Variants in KCNAB1 observed in about 807,000 individuals in gnomAD.
The protein encoded by KCNAB1 is potassium voltage-gated channel subfamily A regulatory beta subunit 1, also known as voltage-gated potassium channel subunit beta-1.
A neutral mutation model predicts 64.6 loss-of-function variants in KCNAB1; 35 were observed. That is an observed-to-expected ratio of 0.54 (90% CI 0.41 to 0.72). KCNAB1 has a LOEUF of 0.72. Ranked by LOEUF, KCNAB1 falls within the 30% of genes least tolerant of loss-of-function variation. KCNAB1 has a pLI of 0.00. For missense variants in KCNAB1, 401 were observed against 512.9 expected (o/e 0.78, Z 2.11); for synonymous variants, 177 against 183.8 (o/e 0.96, Z 0.30).
chr3:156,209,044 G>A (rs527432886), intron 1 of KCNAB1, among the ~76,000 whole-genome samples: 5 of 152,296 alleles, frequency 3.3e-5, no homozygotes, highest in East Asian at 1.9e-4. Context: ...TAAAAGAGGC[G>A]TAAGATACTA....
chr3:156,122,457 A>G (rs1477998732), intron 1 of KCNAB1, among the ~76,000 whole-genome samples: 1 of 152,266 alleles, frequency 6.6e-6, no homozygotes, highest in African/African-American at 2.4e-5. Flanking sequence ...TGAACAAGTC[A>G]GAGTGGCATA....
chr3:156,454,139 C>T (rs1248187623), intron 3 of KCNAB1, among the ~76,000 whole-genome samples: 1 of 152,220 alleles, frequency 6.6e-6, no homozygotes, highest in Non-Finnish European at 1.5e-5. Context: ...CCTTATAAGG[C>T]TTGTCTCATG....
At chr3:156,445,926 G>A (rs967095180) in intron 2 of KCNAB1, 1 of 152,160 alleles carries the variant, frequency 6.6e-6, no homozygotes, top group African/African-American at 2.4e-5. Flanking sequence ...CTAATTTTGT[G>A]CATAAGGAAA....
intron 1 of KCNAB1, among the ~76,000 whole-genome samples, chr3:156,198,913 A>AT (rs71138701): frequency 0.026 from 552 of 21,284 alleles, 102 homozygotes; most frequent in Middle Eastern, 0.045. Context: ...TTATATTTTG[A>AT]TTTTTTTTTT....
chr3:156,336,108 C>T (rs1193316166), intron 1 of KCNAB1, among the ~76,000 whole-genome samples: 2 of 152,090 alleles, frequency 1.3e-5, no homozygotes. Flanking sequence ...ACCTGTAATC[C>T]TAGCTCTTTG....
At chr3:156,406,353 G>A (rs1277252073) in intron 1 of KCNAB1, among the ~76,000 whole-genome samples, 1 of 152,084 alleles carries the variant, frequency 6.6e-6, no homozygotes, top group Non-Finnish European at 1.5e-5. Context: ...ACTAGGGACT[G>A]GAATCTATCC....
chr3:156,478,823 A>G (rs1035364646), intron 8 of KCNAB1, among the ~76,000 whole-genome samples: 1 of 152,166 alleles, frequency 6.6e-6, no homozygotes, highest in African/African-American at 2.4e-5. Context: ...GGCATCATAT[A>G]TCTAATTAGT....
chr3:156,241,206 T>C (rs1057451566), intron 1 of KCNAB1, among the ~76,000 whole-genome samples: 1 of 152,236 alleles, frequency 6.6e-6, no homozygotes, highest in Admixed American at 6.5e-5. Context: ...ATCATGATTA[T>C]GTTTTCCTTC....
intron 2 of KCNAB1, among the ~76,000 whole-genome samples, chr3:156,422,716 A>G (rs1163330926): frequency 6.6e-6 from 1 of 152,218 alleles, no homozygotes; most frequent in Non-Finnish European, 1.5e-5. Context: ...AGTCATCAGC[A>G]AGTAGATGCT....
chr3:156,170,527 T>C (rs1337983576), intron 1 of KCNAB1, among the ~76,000 whole-genome samples: 1 of 152,204 alleles, frequency 6.6e-6, no homozygotes, highest in Non-Finnish European at 1.5e-5. Flanking sequence ...GTGTGATAGA[T>C]ACTACCCATC....
chr3:156,128,357 G>C (rs1345001054), intron 1 of KCNAB1, among the ~76,000 whole-genome samples: 1 of 152,210 alleles, frequency 6.6e-6, no homozygotes, highest in African/African-American at 2.4e-5. Flanking sequence ...AGAAAAAGGG[G>C]ATGAGGTGAT....
intron 1 of KCNAB1, among the ~76,000 whole-genome samples, chr3:156,293,056 C>T (rs527706532): frequency 6.6e-6 from 1 of 152,314 alleles, no homozygotes; most frequent in African/African-American, 2.4e-5. Flanking sequence ...TTTAAAGCTT[C>T]CTCATCCCCT....
intron 1 of KCNAB1, among the ~76,000 whole-genome samples, chr3:156,152,673 G>C (rs1381713160): frequency 6.6e-6 from 1 of 152,214 alleles, no homozygotes; most frequent in Admixed American, 6.5e-5. Flanking sequence ...AGCTCATTAA[G>C]TATCCAAGCT....
chr3:156,296,637 C>T (rs1720805451), intron 1 of KCNAB1, among the ~76,000 whole-genome samples: 1 of 151,948 alleles, frequency 6.6e-6, no homozygotes, highest in Non-Finnish European at 1.5e-5. Flanking sequence ...CCATGCCTGG[C>T]TAATGTTTTA....
intron 1 of KCNAB1, among the ~76,000 whole-genome samples, chr3:156,312,491 C>T (rs1265029673): frequency 2.0e-5 from 3 of 151,998 alleles, no homozygotes; most frequent in Non-Finnish European, 2.9e-5. Context: ...GCGGGTGGAT[C>T]ACTTGAGACC....
At chr3:156,353,765 T>TGAGCAAGCCAGAGAGGGC (rs1203519638) in intron 1 of KCNAB1, among the ~76,000 whole-genome samples, 9 of 152,168 alleles carry the variant, frequency 5.9e-5, no homozygotes, top group African/African-American at 2.2e-4. Context: ...TCCCGCAGGG[T>TGAGCAAGCCAGAGAGGGC]GAGCAAGCCA....
chr3:156,398,687 C>T (rs889295491), intron 1 of KCNAB1, among the ~76,000 whole-genome samples: 9 of 150,922 alleles, frequency 6.0e-5, no homozygotes, highest in African/African-American at 2.2e-4. Flanking sequence ...ATGTAACAAA[C>T]CTACATGTTC....
chr3:156,481,486 C>T (rs901666415), intron 8 of KCNAB1, among the ~76,000 whole-genome samples: 4 of 149,530 alleles, frequency 2.7e-5, no homozygotes, highest in Non-Finnish European at 5.9e-5. Flanking sequence ...ACTGCAAATT[C>T]ACCAAAAATT....
chr3:156,258,424 G>A (rs1440986679), intron 1 of KCNAB1, among the ~76,000 whole-genome samples: 1 of 152,086 alleles, frequency 6.6e-6, no homozygotes, highest in African/African-American at 2.4e-5. Flanking sequence ...TAGTCCTATG[G>A]GCACAATTTG....
Sources: allele counts gnomAD v4.1 joint callset (sites outside exome capture counted in the v4.1 genomes callset), GRCh38; gene constraint gnomAD v4.1.1; transcripts MANE v1.5; gene names NCBI Gene and HGNC (gene_info 2026-07-23, HGNC 2026-07-21).